The following ASAP2 variants were observed in gnomAD, a reference collection of about 807,000 sequenced individuals.
ASAP2 encodes ArfGAP with SH3 domain, ankyrin repeat and PH domain 2.
In ASAP2, 45 loss-of-function variants were observed where a neutral mutation model predicts 131.4. The ratio of observed to expected loss-of-function variants is 0.34; its 90% CI spans 0.27 to 0.44. The LOEUF is 0.44. Ranked by LOEUF, ASAP2 falls within the 20% of genes least tolerant of loss-of-function variation. The pLI, the probability that ASAP2 is intolerant of heterozygous loss-of-function variation, is 1.00. For synonymous variants in ASAP2, 510 were observed against 503.0 expected, an observed-to-expected ratio of 1.01 and a Z score of -0.19; for missense variants, 1,011 against 1,297.0, an observed-to-expected ratio of 0.78 and a Z score of 3.39.
At chr2:9,220,896 C>T (rs1046750825) in intron 1 of ASAP2, among the ~76,000 whole-genome samples, 2 of 152,110 alleles carry the variant, frequency 1.3e-5, no homozygotes, top group South Asian at 2.1e-4. Context: ...TGTCCTGGCA[C>T]CATTTCTTGG....
At chr2:9,248,149 A>G (rs1664462607) in intron 1 of ASAP2, among the ~76,000 whole-genome samples, 1 of 152,194 alleles carries the variant, frequency 6.6e-6, no homozygotes, top group Admixed American at 6.5e-5. Flanking sequence ...CAGAAGACGA[A>G]CTCAGCAGAG....
intron 15 of ASAP2, among the ~76,000 whole-genome samples, chr2:9,360,890 A>G (rs1673033103): frequency 1.3e-5 from 2 of 152,200 alleles, no homozygotes; most frequent in South Asian, 4.1e-4. Flanking sequence ...GTTGACTCAT[A>G]TGAGCTGGTA....
chr2:9,268,027 A>C lies in ASAP2; in HGVS notation c.127-11290A>C, dbSNP rs1666066247. Among the ~76,000 whole-genome samples, 1 of 151,704 alleles carries C rather than the reference A, an allele frequency of 6.6e-6. No homozygotes were observed. Among genetic ancestry groups the C allele is most frequent in the African/African-American group, 2.4e-5 (1 of 41,206 alleles). ...TTCCCCTGCCCTGACTGCAGCCCTC[A>C]GCTTGCCTCAGTTTGTAGTTTGCCA... is the stretch of plus-strand genomic sequence containing the variant. On this transcript the variant is annotated intron_variant, in intron 1 of 27. Transcript: ENST00000281419. This position sits in a 1 kb window ranked among gnomAD's most constrained non-coding sequence, Gnocchi z 4.1.
chr2:9,236,840 G>A (rs1318683124), intron 1 of ASAP2, among the ~76,000 whole-genome samples: 13 of 152,008 alleles, frequency 8.6e-5, no homozygotes, highest in Non-Finnish European at 1.9e-4. Context: ...CTGTGTTGGA[G>A]CAAAGGTGCT....
chr2:9,338,550 C>T (rs934973233), intron 9 of ASAP2, among the ~76,000 whole-genome samples: 1 of 152,216 alleles, frequency 6.6e-6, no homozygotes, highest in South Asian at 2.1e-4. Flanking sequence ...CCTGCCTCTC[C>T]TGCCAAGCTG....
In ASAP2 at chr2:9,389,015, G is replaced by A. The variant is rs933546789; in HGVS notation, c.2383+469G>A. ...TAAAAGATATTGGGGAACGATGCTC[G>A]GCCTAATTGTAAAATACAAAACCAG... On this transcript the variant is annotated intron_variant, in intron 22 of 27. Transcript: ENST00000281419. The surrounding 1 kb of genome is among the most constrained non-coding windows in gnomAD (Gnocchi z 4.7). Among the ~76,000 whole-genome samples the A allele has an allele frequency of 3.9e-5, 6 of 152,170 alleles. No individual in the cohort carries two copies. Among genetic ancestry groups the A allele is most frequent in the South Asian group, 4.1e-4 (2 of 4,834 alleles).
chr2:9,323,007 G>GAA, intron 5 of ASAP2, 114 bp from the exon 6 acceptor site: 2 of 1,315,358 alleles, frequency 1.5e-6, no homozygotes. Flanking sequence ...TGCCTGTGCT[G>GAA]AAACGTGTGG....
intron 3 of ASAP2, among the ~76,000 whole-genome samples, chr2:9,305,971 T>G (rs867975683): frequency 0.038 from 4,051 of 107,586 alleles, 73 homozygotes; most frequent in African/African-American, 0.098. Context: ...GGAGGGGCTG[T>G]AGTAGTGGGG....
chr2:9,393,546 C>T lies in ASAP2; in HGVS notation c.2583C>T (p.Ser861=). Reference sequence around the variant, plus strand: ...CGCCCAGCGTAATGGAAGCCTTGAGCCAGCCGAGCAAGCCTGCCCCGCCTG... The same window carrying T: ...CGCCCAGCGTAATGGAAGCCTTGAGTCAGCCGAGCAAGCCTGCCCCGCCTG... The part of the protein sequence containing the change: ...AKTPSVMEAL[S]QPSKPAPPGI... The change falls in exon 24 of 28, where the codon AGC becomes AGT. Residue 861 remains serine, a synonymous_variant. Coordinates refer to ENST00000281419, the MANE Select transcript of ASAP2 (RefSeq NM_003887.3). 1 of 1,594,856 alleles carries T rather than the reference C, an allele frequency of 6.3e-7. No individual in the cohort carries two copies. The highest frequency in any genetic ancestry group is 2.3e-5 in the East Asian group (1 of 43,686).
At chr2:9,209,677 C>A (rs1201166354) in intron 1 of ASAP2, among the ~76,000 whole-genome samples, 4 of 152,258 alleles carry the variant, frequency 2.6e-5, no homozygotes, top group Non-Finnish European at 5.9e-5. Flanking sequence ...TCAAGCGATT[C>A]TCCTGCCTCA....
intron 9 of ASAP2, among the ~76,000 whole-genome samples, chr2:9,344,026 T>C (rs1671781923): frequency 6.6e-6 from 1 of 152,254 alleles, no homozygotes; most frequent in Non-Finnish European, 1.5e-5. Flanking sequence ...TGTGATCCTA[T>C]TGAGTCCTTA....
chr2:9,316,094 A>G (rs73155700), intron 3 of ASAP2, among the ~76,000 whole-genome samples: 236 of 152,224 alleles, frequency 1.6e-3, no homozygotes, highest in African/African-American at 5.4e-3. Flanking sequence ...CGAGGAGGGC[A>G]GATTGCTTAA....
At position 9,217,657 on chromosome 2, in the gene ASAP2, C is replaced by G. The variant is rs1182787328; in HGVS notation, c.126+10427C>G. Among the ~76,000 whole-genome samples, 2 of 151,912 alleles carry G rather than the reference C, an allele frequency of 1.3e-5. No homozygotes were observed. Among genetic ancestry groups the G allele is most frequent in the African/African-American group, 2.4e-5 (1 of 41,318 alleles). The stretch of plus-strand genomic sequence containing the variant: ...GAGACGGAGTCTTCGCTCTGCCACC[C>G]AGGCTGGAGTGCGGTGGCACAATCT... On this transcript the variant is annotated intron_variant, in intron 1 of 27. Coordinates refer to ENST00000281419, the MANE Select transcript of ASAP2 (RefSeq NM_003887.3). The surrounding 1 kb of genome is among the most constrained non-coding windows in gnomAD (Gnocchi z 4.0).
intron 25 of ASAP2, 107 bp from the exon 26 acceptor site, chr2:9,400,635 C>A: frequency 9.9e-7 from 1 of 1,010,024 alleles, no homozygotes; most frequent in Non-Finnish European, 1.5e-6. Context: ...CAGATCGGAA[C>A]ACCTGGGGAA....
intron 1 of ASAP2, among the ~76,000 whole-genome samples, chr2:9,251,313 C>A (rs1664690096): frequency 6.6e-6 from 1 of 152,076 alleles, no homozygotes; most frequent in African/African-American, 2.4e-5. Context: ...GACTTCGTCC[C>A]ACTCCTTCCC....
At chr2:9,264,018 C>A (rs1665762960) in intron 1 of ASAP2, among the ~76,000 whole-genome samples, 1 of 151,922 alleles carries the variant, frequency 6.6e-6, no homozygotes, top group Non-Finnish European at 1.5e-5. Flanking sequence ...CTAAGGAAAC[C>A]TCATCTTTAC....
At chr2:9,393,450 A>AC (rs775977305) in intron 23 of ASAP2, 32 bp from the exon 24 acceptor site, 1 of 1,562,344 alleles carries the variant, frequency 6.4e-7, no homozygotes, top group Admixed American at 1.8e-5. Context: ...CTGGCGGCTG[A>AC]CCCTCTGCAC....
chr2:9,270,960 T>G (rs1666338460), intron 1 of ASAP2, among the ~76,000 whole-genome samples: 1 of 149,956 alleles, frequency 6.7e-6, no homozygotes, highest in Non-Finnish European at 1.5e-5. Context: ...GCCCGGCTAA[T>G]TTTTTTGTAT....
chr2:9,312,226 T>C (rs1669348410), intron 3 of ASAP2, among the ~76,000 whole-genome samples: 1 of 152,192 alleles, frequency 6.6e-6, no homozygotes, highest in Non-Finnish European at 1.5e-5. Context: ...TACTTTTCAA[T>C]CTCTATTATA....
Sources: gnomAD v4.1 joint callset for allele counts (sites outside exome capture counted in the v4.1 genomes callset) on GRCh38, gnomAD v4.1.1 for gene constraint, Gnocchi (gnomAD v3.1) non-coding constraint, MANE v1.5 for transcripts, NCBI Gene and HGNC (gene_info 2026-07-23, HGNC 2026-07-21) for gene names.